SOS2: variants seen among roughly 807,000 people sequenced by gnomAD.
The protein encoded by SOS2 is SOS Ras/Rho guanine nucleotide exchange factor 2.
SOS2 carries 65 observed loss-of-function variants against 148.2 expected under a neutral mutation model. The ratio of observed to expected loss-of-function variants is 0.44; its 90% CI spans 0.36 to 0.54. The LOEUF is 0.54. SOS2 is among the 20% of genes least tolerant of loss of function. SOS2 has a pLI of 0.00. For missense variants in SOS2, 1,341 were observed against 1,590.2 expected (o/e 0.84, Z 2.67); for synonymous variants, 539 against 537.1 (o/e 1.00, Z -0.05).
rs539419766 is a variant in SOS2, at chr14:50,180,751, T to A, written c.859-69A>T. 9 of 845,754 alleles carry A rather than the reference T, an allele frequency of 1.1e-5. No individual in the cohort carries two copies. In the East Asian group the frequency reaches 2.5e-4, roughly 24 times the overall value. 52.4% of individuals were successfully genotyped at this position (845,754 alleles called of 1,614,324 possible). A position where few individuals can be genotyped will look rare whatever the true frequency, so the allele number is the denominator to read the frequency against. On this transcript the variant is annotated intron_variant, in intron 6 of 22. Coordinates refer to ENST00000216373, the MANE Select transcript of SOS2 (RefSeq NM_006939.4). ...TATTTTCTACCAATATGGTACAGAT[T>A]ATTATCACTTGATCCCAGGAGTTCG...
chr14:50,135,756 T>A (rs1211327222), intron 18 of SOS2, among the ~76,000 whole-genome samples: 1 of 145,114 alleles, frequency 6.9e-6, no homozygotes, highest in Non-Finnish European at 1.5e-5. Context: ...AAAATACAAA[T>A]TTTAACTCTA....
intron 11 of SOS2, among the ~76,000 whole-genome samples, chr14:50,157,832 T>C (rs1013788899): frequency 6.6e-6 from 1 of 152,138 alleles, no homozygotes; most frequent in Non-Finnish European, 1.5e-5. Flanking sequence ...AGATTCTACA[T>C]TTTAAACTAT....
At chr14:50,122,664 C>T (rs1020532623) in intron 21 of SOS2, among the ~76,000 whole-genome samples, 2 of 152,152 alleles carry the variant, frequency 1.3e-5, no homozygotes, top group African/African-American at 4.8e-5. Context: ...ACAGTCACCA[C>T]TTAACCAGTA....
intron 19 of SOS2, 74 bp from the exon 20 acceptor site, chr14:50,130,836 T>G (rs2139513617): frequency 8.2e-7 from 1 of 1,219,652 alleles, no homozygotes; most frequent in Middle Eastern, 2.1e-4. Flanking sequence ...TAGAGCTACC[T>G]TATTAGTCTT....
intron 7 of SOS2, among the ~76,000 whole-genome samples, chr14:50,178,681 T>C (rs1178588317): frequency 0.021 from 87 of 4,080 alleles, 1 homozygote; most frequent in African/African-American, 0.066. Flanking sequence ...CATATATATA[T>C]ATATATATAT....
intron 8 of SOS2, among the ~76,000 whole-genome samples, chr14:50,171,576 C>A (rs1006738700): frequency 6.6e-6 from 1 of 150,558 alleles, no homozygotes; most frequent in African/African-American, 2.4e-5. Context: ...CCCAGCTACT[C>A]AGGAGGCTGA....
In SOS2 at chr14:50,145,153, T is replaced by G. The variant is rs759463496; in HGVS notation, c.2667+17A>C. On this transcript the variant is annotated intron_variant, in intron 16 of 22. Coordinates refer to ENST00000216373, the MANE Select transcript of SOS2 (RefSeq NM_006939.4). ...ATCATCCCCGAGAAAAATGAAAAAG[T>G]TAAGCCTAAAACTTACCTCAAAGGT... 5 of 1,370,054 alleles carry G rather than the reference T, an allele frequency of 3.6e-6. No homozygotes were observed. In the South Asian group the frequency reaches 9.9e-5, roughly 27 times the overall value. 84.9% of individuals were successfully genotyped at this position (1,370,054 alleles called of 1,614,324 possible).
chr14:50,225,474 GAAT>G (rs1192299392), intron 1 of SOS2, among the ~76,000 whole-genome samples: 1 of 152,108 alleles, frequency 6.6e-6, no homozygotes, highest in Non-Finnish European at 1.5e-5. Context: ...CACTTTAATG[GAAT>G]ATTATTGCTC....
chr14:50,128,609 T>C (rs1883762168), intron 21 of SOS2, among the ~76,000 whole-genome samples: 1 of 152,222 alleles, frequency 6.6e-6, no homozygotes, highest in African/African-American at 2.4e-5. Flanking sequence ...TTGTCTAAAA[T>C]TAATGACTCA....
At chr14:50,133,974 C>T in intron 19 of SOS2, 149 bp downstream of exon 19, 1 of 628,108 alleles carries the variant, frequency 1.6e-6, no homozygotes, top group Non-Finnish European at 2.9e-6. Flanking sequence ...CTGACATTTC[C>T]CCCCCCAGTT....
intron 1 of SOS2, among the ~76,000 whole-genome samples, chr14:50,209,286 T>A (rs1886783522): frequency 1.1e-5 from 1 of 90,994 alleles, no homozygotes; most frequent in Non-Finnish European, 2.1e-5. Context: ...TGTGTGTGTG[T>A]GTGTGTGTGT....
chr14:50,196,563 C>G (rs185527412), intron 4 of SOS2, among the ~76,000 whole-genome samples: 1 of 152,002 alleles, frequency 6.6e-6, no homozygotes, highest in African/African-American at 2.4e-5. Context: ...CCATTTCCCC[C>G]ACTCCAGCTA....
intron 7 of SOS2, among the ~76,000 whole-genome samples, chr14:50,180,119 T>A (rs1196047685): frequency 6.6e-6 from 1 of 151,730 alleles, no homozygotes; most frequent in Non-Finnish European, 1.5e-5. Flanking sequence ...TTCTCCTGCC[T>A]TAGCCTCCTG....
intron 5 of SOS2, among the ~76,000 whole-genome samples, chr14:50,184,857 C>T (rs918002985): frequency 3.4e-4 from 40 of 117,764 alleles, no homozygotes; most frequent in South Asian, 6.1e-4. Context: ...GAGCCAGACC[C>T]TGTCTCCAAA....
intron 21 of SOS2, among the ~76,000 whole-genome samples, chr14:50,123,474 C>T (rs1050068882): frequency 4.0e-5 from 6 of 151,656 alleles, no homozygotes; most frequent in South Asian, 2.1e-4. Flanking sequence ...CTCCGCCTCC[C>T]GGATTCAAGC....
At chr14:50,161,221 A>G (rs1254901579) in intron 9 of SOS2, among the ~76,000 whole-genome samples, 1 of 146,260 alleles carries the variant, frequency 6.8e-6, no homozygotes, top group East Asian at 2.1e-4. Flanking sequence ...GGAACGCAGG[A>G]GGCTAAGGCT....
At chr14:50,193,279 C>G (rs959235659) in intron 4 of SOS2, among the ~76,000 whole-genome samples, 1 of 152,070 alleles carries the variant, frequency 6.6e-6, no homozygotes, top group African/African-American at 2.4e-5. Context: ...TGGGCTCCAT[C>G]TATCCTCCTG....
intron 19 of SOS2, among the ~76,000 whole-genome samples, chr14:50,131,508 A>AG (rs1883864635): frequency 2.6e-5 from 4 of 151,846 alleles, no homozygotes; most frequent in Non-Finnish European, 4.4e-5. Context: ...AAATAAACTC[A>AG]TACTAACTTA....
At chr14:50,137,984 C>T (rs1327763412) in intron 18 of SOS2, among the ~76,000 whole-genome samples, 4 of 151,908 alleles carry the variant, frequency 2.6e-5, no homozygotes, top group African/African-American at 4.8e-5. Flanking sequence ...GGATTACAGG[C>T]ACCCGCCACC....
Sources: allele counts gnomAD v4.1 joint callset (sites outside exome capture counted in the v4.1 genomes callset), GRCh38; gene constraint gnomAD v4.1.1; transcripts MANE v1.5; gene names NCBI Gene and HGNC (gene_info 2026-07-23, HGNC 2026-07-21).